Variants in CALML4 observed in about 807,000 individuals in gnomAD.
CALML4 encodes calmodulin-like protein 4.
A neutral mutation model predicts 17.9 loss-of-function variants in CALML4; 16 were observed. That is an observed-to-expected ratio of 0.89 (90% CI 0.61 to 1.36). The LOEUF is 1.36. CALML4 is among the 40% of genes most tolerant of loss of function. The pLI is 0.00. For synonymous variants in CALML4, 86 were observed against 71.5 expected, an observed-to-expected ratio of 1.20 and a Z score of -1.02; for missense variants, 203 against 194.8, an observed-to-expected ratio of 1.04 and a Z score of -0.25.
chr15:68,197,370 A>G lies in CALML4; in HGVS notation c.364+70T>C. 1.3e-6 allele frequency: 2 copies of G among 1,485,508 alleles called. No individual in the cohort carries two copies. The highest frequency in any genetic ancestry group is 2.3e-5 in the East Asian group (1 of 44,128). 92.0% of individuals were successfully genotyped at this position (1,485,508 alleles called of 1,614,324 possible). A position where few individuals can be genotyped will look rare whatever the true frequency, so the allele number is the denominator to read the frequency against. On this transcript the variant is annotated intron_variant, in intron 4 of 4. Transcript: ENST00000467889. This position sits in a 1 kb window ranked among gnomAD's most constrained non-coding sequence, Gnocchi z 4.1. ...CTGTACCACCCTGGTGGCATCAGCT[A>G]GGCTTTGGTGCCCTCCTTCCAACTC...
intron 4 of CALML4, among the ~76,000 whole-genome samples, chr15:68,195,081 TC>T (rs1327461030): frequency 6.6e-6 from 1 of 152,162 alleles, no homozygotes; most frequent in Admixed American, 6.5e-5. Context: ...TTTGCTTGTT[TC>T]TTCTGGTTCT....
chr15:68,197,842 G>T lies in CALML4; in HGVS notation c.176-214C>A. ...ACTGGACATTCTTCATTTCAGCAAC[G>T]TCCTCAGTGACGATGCTTATCATCA... On this transcript the variant is annotated intron_variant, in intron 3 of 4. Transcript: ENST00000467889. This position sits in a 1 kb window ranked among gnomAD's most constrained non-coding sequence, Gnocchi z 4.1. The T allele has an allele frequency of 1.8e-6, 1 of 544,542 alleles. No individual in the cohort carries two copies. The highest frequency in any genetic ancestry group is 2.4e-5 in the South Asian group (1 of 41,714). The allele number at this position is 544,542 out of a possible 1,614,324, so 33.7% of individuals were successfully genotyped here.
chr15:68,199,500 TG>T (rs765357205), intron 3 of CALML4, 40 bp downstream of exon 3: 1 of 1,585,380 alleles, frequency 6.3e-7, no homozygotes. Flanking sequence ...ACCCACCTGC[TG>T]GGCCCCTCCC....
chr15:68,199,393 G>T, intron 3 of CALML4, 148 bp downstream of exon 3: 1 of 812,600 alleles, frequency 1.2e-6, no homozygotes, highest in Non-Finnish European at 1.9e-6. Context: ...GTGAGGTACG[G>T]CACTCCTGGT....
chr15:68,194,197 T>C, intron 4 of CALML4, 85 bp from the exon 5 acceptor site: 1 of 994,222 alleles, frequency 1.0e-6, no homozygotes, highest in Non-Finnish European at 1.6e-6. Context: ...GGAGCTCCCC[T>C]AAGGTCTTCC....
Position 68,190,707 on chromosome 15 carries a change from G to A in CALML4, c.*3308C>T, listed in dbSNP as rs930375782. The A allele has an allele frequency of 5.3e-5, 8 of 151,668 alleles. No individual in the cohort carries two copies. The highest frequency in any genetic ancestry group is 1.9e-4 in the African/African-American group (8 of 41,242). The allele number at this position is 151,668 out of a possible 1,614,324, so 9.4% of individuals were successfully genotyped here. On this transcript the variant is annotated 3_prime_UTR_variant, in exon 5 of 5. Coordinates refer to ENST00000467889, the MANE Select transcript of CALML4 (RefSeq NM_033429.3). The surrounding 1 kb of genome is among the most constrained non-coding windows in gnomAD (Gnocchi z 4.7). ...CTTTGATAAAATAGCTATTTGACTAGCAGGGTTAAAGTGGCTTTTAATTAC... is the reference window on the plus strand; with the variant it reads ...CTTTGATAAAATAGCTATTTGACTAACAGGGTTAAAGTGGCTTTTAATTAC...
At chr15:68,194,735 A>G (rs892530849) in intron 4 of CALML4, among the ~76,000 whole-genome samples, 5 of 152,040 alleles carry the variant, frequency 3.3e-5, no homozygotes, top group Admixed American at 1.3e-4. Flanking sequence ...CCCTGTGCCC[A>G]TATTTCTAGA....
chr15:68,195,361 G>C (rs1007033788), intron 4 of CALML4, among the ~76,000 whole-genome samples: 3 of 152,120 alleles, frequency 2.0e-5, no homozygotes, highest in African/African-American at 7.2e-5. Flanking sequence ...GTAGTTCTGA[G>C]TATTTATTGG....
Position 68,190,797 on chromosome 15 carries a change from G to A in CALML4, c.*3218C>T, listed in dbSNP as rs1445223156. The A allele has an allele frequency of 6.6e-6, 1 of 151,856 alleles. No homozygotes were observed. The highest frequency in any genetic ancestry group is 1.5e-5 in the Non-Finnish European group (1 of 67,972). The allele number at this position is 151,856 out of a possible 1,614,324, so 9.4% of individuals were successfully genotyped here. On this transcript the variant is annotated 3_prime_UTR_variant, in exon 5 of 5. Coordinates refer to ENST00000467889, the MANE Select transcript of CALML4 (RefSeq NM_033429.3). The surrounding 1 kb of genome is among the most constrained non-coding windows in gnomAD (Gnocchi z 4.7). ...CTGAACCAGAACCATGCCATACTTG[G>A]TTGACTATTTTGAGCATTAAAATTG...
Position 68,205,289 on chromosome 15 carries a change from A to G in CALML4, c.-42T>C. The G allele has an allele frequency of 6.2e-7, 1 of 1,614,042 alleles. No homozygotes were observed. The highest frequency in any genetic ancestry group is 8.5e-7 in the Non-Finnish European group (1 of 1,180,016). ...CTACCCGTGGGCTTGCTGCTCCCAG[A>G]ACCGCGTTCAGTTCCCTTTCCTCCA... On this transcript the variant is annotated 5_prime_UTR_variant, in exon 1 of 5. Transcript: ENST00000467889. The surrounding 1 kb of genome is among the most constrained non-coding windows in gnomAD (Gnocchi z 4.8).
upstream of CALML4, chr15:68,205,450 G>T: frequency 6.3e-7 from 1 of 1,589,184 alleles, no homozygotes; most frequent in South Asian, 1.1e-5. The surrounding 1 kb of genome is among the most constrained non-coding windows in gnomAD (Gnocchi z 4.8). Context: ...CACCTGGGCA[G>T]GTTGGATTTT....
At position 68,205,023 on chromosome 15, in the gene CALML4, G is replaced by T; in HGVS notation, c.34+98C>A. 6.9e-7 allele frequency: 1 copy of T among 1,451,864 alleles called. No individual in the cohort carries two copies. Among genetic ancestry groups the T allele is most frequent in the Non-Finnish European group, 9.6e-7 (1 of 1,042,084 alleles). 89.9% of individuals were successfully genotyped at this position (1,451,864 alleles called of 1,614,324 possible). On this transcript the variant is annotated intron_variant, in intron 2 of 4. Coordinates refer to ENST00000467889, the MANE Select transcript of CALML4 (RefSeq NM_033429.3). This position sits in a 1 kb window ranked among gnomAD's most constrained non-coding sequence, Gnocchi z 4.8. ...CCTGGGTGGGCCCAGCTCTCCCACA[G>T]CCACCTTCCTTCCCACCAAGAAAAC...
chr15:68,199,446 C>T (rs968310236), intron 3 of CALML4, 95 bp downstream of exon 3: 2 of 1,376,194 alleles, frequency 1.5e-6, no homozygotes, highest in Non-Finnish European at 2.0e-6. Context: ...CTCCCTGCCA[C>T]CTGCCCCTCA....
Position 68,205,180 on chromosome 15 carries a change from G to C in CALML4, c.4-29C>G. 1 of 1,614,106 alleles carries C rather than the reference G, an allele frequency of 6.2e-7. No homozygotes were observed. The highest frequency in any genetic ancestry group is 8.5e-7 in the Non-Finnish European group (1 of 1,179,994). On this transcript the variant is annotated intron_variant, in intron 1 of 4. Transcript: ENST00000467889. This position sits in a 1 kb window ranked among gnomAD's most constrained non-coding sequence, Gnocchi z 4.8. ...CAGCAGAGAAAGGAAAACAGTCAGG[G>C]GAGGGCTCCACCTGAGGTTCACGCC...
intron 4 of CALML4, among the ~76,000 whole-genome samples, chr15:68,196,264 T>C (rs1243891843): frequency 1.3e-5 from 2 of 152,216 alleles, no homozygotes; most frequent in African/African-American, 4.8e-5. Flanking sequence ...TTTTAAACTC[T>C]CTGCACTGTG....
chr15:68,199,597 A>AG lies in CALML4; in HGVS notation c.118dup (p.Leu40ProfsTer85). ...CTCCCCTGGCGTCGGGCTGGCCCCCAGGCACCTCATGGCCACCATGAGGTC... is the reference window on the plus strand; with the variant it reads ...CTCCCCTGGCGTCGGGCTGGCCCCCAGGGCACCTCATGGCCACCATGAGGTC... On this transcript the variant is annotated frameshift_variant, in exon 3 of 5. Coordinates refer to ENST00000467889, the MANE Select transcript of CALML4 (RefSeq NM_033429.3). LOFTEE classifies it high-confidence loss of function. The AG allele has an allele frequency of 6.2e-7, 1 of 1,613,592 alleles. No homozygotes were observed. The highest frequency in any genetic ancestry group is 8.5e-7 in the Non-Finnish European group (1 of 1,179,918).
chr15:68,205,574 G>A (rs2093180621), upstream of CALML4: 1 of 639,230 alleles, frequency 1.6e-6, no homozygotes, highest in Admixed American at 2.9e-5. The surrounding 1 kb of genome is among the most constrained non-coding windows in gnomAD (Gnocchi z 4.8). Context: ...ACTCCAGGAA[G>A]GGGTCTTCTC....
intron 4 of CALML4, among the ~76,000 whole-genome samples, chr15:68,196,477 G>A (rs1467893121): frequency 1.3e-5 from 2 of 152,200 alleles, no homozygotes; most frequent in African/African-American, 4.8e-5. Context: ...CGGAAAGTCC[G>A]TCATATTGAA....
At chr15:68,194,522 T>A (rs1394774910) in intron 4 of CALML4, among the ~76,000 whole-genome samples, 2 of 152,026 alleles carry the variant, frequency 1.3e-5, no homozygotes, top group African/African-American at 4.8e-5. Context: ...TAGCTGAGCT[T>A]ACAGGCAAGT....
Sources: allele counts gnomAD v4.1 joint callset (sites outside exome capture counted in the v4.1 genomes callset), GRCh38; gene constraint gnomAD v4.1.1; non-coding constraint Gnocchi (gnomAD v3.1); transcripts MANE v1.5; gene names NCBI Gene and HGNC (gene_info 2026-07-23, HGNC 2026-07-21).